TENM2: variants seen among roughly 807,000 people sequenced by gnomAD.
TENM2 encodes teneurin transmembrane protein 2.
In TENM2, 52 loss-of-function variants were observed where a neutral mutation model predicts 245.2. The ratio of observed to expected loss-of-function variants is 0.21; its 90% confidence interval spans 0.17 to 0.27. The LOEUF (loss-of-function observed/expected upper bound fraction) is 0.27, where lower values mean the gene tolerates loss of function less well. TENM2 is among the 10% of genes least tolerant of loss of function. The pLI, the probability that TENM2 is intolerant of heterozygous loss-of-function variation, is 1.00. For missense variants in TENM2, 3,046 were observed against 3,666.8 expected (o/e 0.83, Z 4.37); for synonymous variants, 1,363 against 1,438.9 (o/e 0.95, Z 1.19).
At chr5:166,993,319 G>A in the TENM2 span, among the ~76,000 whole-genome samples, 1 of 152,098 alleles carries the variant, frequency 6.6e-6, no homozygotes, top group Non-Finnish European at 1.5e-5. Context: ...TCCCGCGAGG[G>A]TCTCCACTGG....
Position 167,462,191 on chromosome 5 carries a change from C to A in TENM2, c.502+86718C>A, listed in dbSNP as rs997950942. Among the ~76,000 whole-genome samples, 7 of 137,072 alleles carry A rather than the reference C, an allele frequency of 5.1e-5. No homozygotes were observed. The South Asian group carries it at 1.1e-3, about 22-fold the overall frequency. The allele number at this position is 137,072 out of a possible 152,430, so 89.9% of individuals were successfully genotyped here. A position where few individuals can be genotyped will look rare whatever the true frequency, so the allele number is the denominator to read the frequency against. On this transcript the variant is annotated intron_variant, in intron 2 of 28. Coordinates refer to ENST00000518659, the Ensembl canonical transcript of TENM2. ...AGTTCCCTGACCCCCACCCCCCCCC[C>A]CCATTGCAGGACATGCAACAGGGGT...
intron 3 of TENM2, among the ~76,000 whole-genome samples, chr5:167,890,798 T>A (rs1027505586): frequency 1.3e-5 from 2 of 152,160 alleles, no homozygotes; most frequent in African/African-American, 4.8e-5. Context: ...ATAATGATAA[T>A]GATGATGATG....
intron 3 of TENM2, among the ~76,000 whole-genome samples, chr5:167,915,720 G>C (rs1418413339): frequency 6.6e-6 from 1 of 152,124 alleles, no homozygotes; most frequent in East Asian, 1.9e-4. Flanking sequence ...ATCCCTGAGA[G>C]AGAAAACCTA....
At chr5:167,462,393 C>T (rs1349623311) in intron 2 of TENM2, among the ~76,000 whole-genome samples, 1 of 152,120 alleles carries the variant, frequency 6.6e-6, no homozygotes, top group Non-Finnish European at 1.5e-5. Flanking sequence ...GCTCTTTTAG[C>T]TCTTCTGTTC....
At chr5:167,575,959 T>C (rs991291971) in intron 2 of TENM2, among the ~76,000 whole-genome samples, 2 of 152,216 alleles carry the variant, frequency 1.3e-5, no homozygotes, top group East Asian at 1.9e-4. Context: ...AAAGCTGTTA[T>C]TCTGCTGCTG....
chr5:167,551,387 G>T (rs1470767367), intron 2 of TENM2, among the ~76,000 whole-genome samples: 1 of 152,060 alleles, frequency 6.6e-6, no homozygotes, highest in Non-Finnish European at 1.5e-5. Context: ...AAAACATAAG[G>T]CTATAGATTC....
chr5:167,775,788 A>G (rs1763725235), intron 2 of TENM2, among the ~76,000 whole-genome samples: 1 of 152,162 alleles, frequency 6.6e-6, no homozygotes, highest in African/African-American at 2.4e-5. Flanking sequence ...ATGTAGTTTA[A>G]AATTCTGTTA....
the TENM2 span, among the ~76,000 whole-genome samples, chr5:167,138,696 C>T: frequency 1.3e-5 from 2 of 152,288 alleles, no homozygotes; most frequent in East Asian, 3.9e-4. Flanking sequence ...GATCTTGGCT[C>T]ACTGCAACCT....
chr5:167,720,217 G>A (rs2150514946), intron 2 of TENM2, among the ~76,000 whole-genome samples: 1 of 152,068 alleles, frequency 6.6e-6, no homozygotes, highest in South Asian at 2.1e-4. Flanking sequence ...GTTTTTGATA[G>A]AATATTACTA....
At chr5:167,337,184 C>G (rs1005463771) in intron 1 of TENM2, among the ~76,000 whole-genome samples, 1 of 145,782 alleles carries the variant, frequency 6.9e-6, no homozygotes, top group South Asian at 2.2e-4. Context: ...TGGTCCTGAG[C>G]TTTTCAGATA....
chr5:168,178,610 TGA>T (rs151260602), intron 13 of TENM2, among the ~76,000 whole-genome samples: 4,132 of 152,084 alleles, frequency 0.027, 161 homozygotes, highest in African/African-American at 0.092. Flanking sequence ...CTTTCTGGGT[TGA>T]GAGTCAGCAG....
chr5:167,093,272 A>G, the TENM2 span, among the ~76,000 whole-genome samples: 1 of 152,248 alleles, frequency 6.6e-6, no homozygotes, highest in African/African-American at 2.4e-5. Context: ...CACGGATACA[A>G]GAGTTCATGG....
intron 2 of TENM2, among the ~76,000 whole-genome samples, chr5:167,450,145 C>G (rs1765487912): frequency 6.6e-6 from 1 of 152,050 alleles, no homozygotes; most frequent in Admixed American, 6.6e-5. Context: ...AATATTATCT[C>G]TCTTCTTTTT....
intron 2 of TENM2, among the ~76,000 whole-genome samples, chr5:167,544,822 A>G (rs1171091856): frequency 6.6e-6 from 1 of 152,218 alleles, no homozygotes; most frequent in African/African-American, 2.4e-5. Flanking sequence ...AAGCAAAAAT[A>G]CACTTTCAGG....
At chr5:167,590,284 A>G (rs1025476195) in intron 2 of TENM2, among the ~76,000 whole-genome samples, 2 of 152,022 alleles carry the variant, frequency 1.3e-5, no homozygotes, top group African/African-American at 4.8e-5. Flanking sequence ...GTCTTCTTCT[A>G]CTATTTCAGA....
the TENM2 span, among the ~76,000 whole-genome samples, chr5:167,101,266 C>G: frequency 2.6e-5 from 4 of 152,296 alleles, no homozygotes; most frequent in East Asian, 1.9e-4. Flanking sequence ...TTCCTGTCCT[C>G]AAGAAGCCTC....
intron 1 of TENM2, among the ~76,000 whole-genome samples, chr5:167,321,206 A>T (rs4869028): frequency 0.55 from 81,507 of 147,174 alleles, 22,314 homozygotes; most frequent in Admixed American, 0.63. Flanking sequence ...CACAAAATTA[A>T]AAAAAAAAAG....
chr5:167,049,760 T>C, the TENM2 span, among the ~76,000 whole-genome samples: 2 of 152,188 alleles, frequency 1.3e-5, no homozygotes, highest in Non-Finnish European at 2.9e-5. Flanking sequence ...TAGTGACAAT[T>C]TGATGTTAAC....
At chr5:167,747,337 G>T (rs1436738867) in intron 2 of TENM2, among the ~76,000 whole-genome samples, 1 of 152,106 alleles carries the variant, frequency 6.6e-6, no homozygotes, top group African/African-American at 2.4e-5. Context: ...AAAATATTCT[G>T]CAAATCTTCC....
Sources: allele counts gnomAD v4.1 joint callset (sites outside exome capture counted in the v4.1 genomes callset), GRCh38; gene constraint gnomAD v4.1.1; transcripts MANE v1.5; gene names NCBI Gene and HGNC (gene_info 2026-07-23, HGNC 2026-07-21).